Variants in OPCML observed in about 807,000 individuals in gnomAD.
The protein encoded by OPCML is opioid binding protein/cell adhesion molecule like.
In OPCML, 13 loss-of-function variants were observed where a neutral mutation model predicts 37.8. The ratio of observed to expected loss-of-function variants is 0.34; its 90% CI spans 0.22 to 0.55. The LOEUF (loss-of-function observed/expected upper bound fraction) is 0.55. Ranked by LOEUF, OPCML falls within the 20% of genes least tolerant of loss-of-function variation. OPCML has a pLI of 0.91. For missense variants in OPCML, 341 were observed against 435.6 expected, an observed-to-expected ratio of 0.78 and a Z score of 1.93; for synonymous variants, 176 against 168.8, an observed-to-expected ratio of 1.04 and a Z score of -0.33.
intron 1 of OPCML, among the ~76,000 whole-genome samples, chr11:133,263,872 C>T (rs1271333030): frequency 1.3e-5 from 2 of 152,212 alleles, no homozygotes; most frequent in East Asian, 1.9e-4. Flanking sequence ...ACTTTCCAAG[C>T]TAAACGTGGA....
intron 7 of OPCML, among the ~76,000 whole-genome samples, chr11:132,428,045 A>C (rs1310302026): frequency 2.0e-5 from 3 of 152,218 alleles, no homozygotes; most frequent in Non-Finnish European, 4.4e-5. Context: ...GGAAATGGAC[A>C]AATATGTGCA....
At chr11:133,144,280 C>A (rs1254008173) in intron 1 of OPCML, among the ~76,000 whole-genome samples, 1 of 152,262 alleles carries the variant, frequency 6.6e-6, no homozygotes, top group Non-Finnish European at 1.5e-5. Flanking sequence ...GCACTCCCTG[C>A]CACCTGCCTG....
chr11:133,147,701 C>G (rs998988920), intron 1 of OPCML, among the ~76,000 whole-genome samples: 2 of 152,154 alleles, frequency 1.3e-5, no homozygotes, highest in African/African-American at 4.8e-5. Context: ...CCACATCCCC[C>G]TTTAAATCAG....
intron 1 of OPCML, among the ~76,000 whole-genome samples, chr11:133,245,418 G>A (rs1017326979): frequency 2.0e-5 from 3 of 152,166 alleles, no homozygotes; most frequent in Non-Finnish European, 2.9e-5. Context: ...GGCAGTTCAA[G>A]GGGCCAGGTC....
chr11:133,243,254 G>T (rs1940796725), intron 1 of OPCML, among the ~76,000 whole-genome samples: 1 of 152,138 alleles, frequency 6.6e-6, no homozygotes, highest in African/African-American at 2.4e-5. Context: ...CAAAAAATAG[G>T]CCAAATGAAG....
At chr11:132,615,569 G>A (rs781701155) in intron 3 of OPCML, among the ~76,000 whole-genome samples, 1 of 152,100 alleles carries the variant, frequency 6.6e-6, no homozygotes, top group Non-Finnish European at 1.5e-5. Flanking sequence ...AACTATCTAT[G>A]TAGCATTTAC....
chr11:132,711,239 G>A (rs141075026), intron 2 of OPCML, among the ~76,000 whole-genome samples: 1,725 of 152,266 alleles, frequency 0.011, 37 homozygotes, highest in African/African-American at 0.04. Context: ...ATGGTTCTCC[G>A]CAAGCGAGGA....
intron 1 of OPCML, among the ~76,000 whole-genome samples, chr11:132,950,455 G>C (rs1208536647): frequency 1.3e-5 from 2 of 152,152 alleles, no homozygotes; most frequent in Non-Finnish European, 2.9e-5. Flanking sequence ...AGAAGGAATG[G>C]GTTTAAGGAG....
chr11:132,467,103 G>A (rs906878580), intron 4 of OPCML, among the ~76,000 whole-genome samples: 14 of 152,122 alleles, frequency 9.2e-5, no homozygotes, highest in Non-Finnish European at 1.0e-4. Context: ...CCTGAGATAC[G>A]GCACCCATTG....
intron 1 of OPCML, among the ~76,000 whole-genome samples, chr11:133,324,898 G>C (rs912608142): frequency 2.0e-5 from 3 of 151,948 alleles, no homozygotes; most frequent in Non-Finnish European, 2.9e-5. Context: ...ATAGTATATA[G>C]TATTATAGAT....
chr11:133,043,623 AG>A (rs1947949710), intron 1 of OPCML, among the ~76,000 whole-genome samples: 1 of 152,254 alleles, frequency 6.6e-6, no homozygotes, highest in African/African-American at 2.4e-5. Context: ...CCTGACAAAC[AG>A]AATCAGCCCT....
At chr11:132,575,196 T>C (rs2096447513) in intron 3 of OPCML, among the ~76,000 whole-genome samples, 1 of 152,042 alleles carries the variant, frequency 6.6e-6, no homozygotes, top group African/African-American at 2.4e-5. Flanking sequence ...TGTTTTTCTC[T>C]GTTCTTTTTA....
At chr11:133,252,880 G>T (rs1941182669) in intron 1 of OPCML, among the ~76,000 whole-genome samples, 1 of 152,186 alleles carries the variant, frequency 6.6e-6, no homozygotes, top group South Asian at 2.1e-4. Context: ...AGGTACGGTG[G>T]CTCATGCCTG....
chr11:132,513,570 A>G (rs934059924), intron 4 of OPCML, among the ~76,000 whole-genome samples: 1 of 152,200 alleles, frequency 6.6e-6, no homozygotes, highest in Non-Finnish European at 1.5e-5. Flanking sequence ...AATGAATTTT[A>G]TCCTTCTAAG....
At chr11:133,109,786 C>T (rs897095480) in intron 1 of OPCML, among the ~76,000 whole-genome samples, 5 of 152,138 alleles carry the variant, frequency 3.3e-5, no homozygotes, top group Admixed American at 2.0e-4. Flanking sequence ...CCTGGAAGAT[C>T]AGACCTAGAA....
At chr11:133,182,640 G>T (rs1414585231) in intron 1 of OPCML, among the ~76,000 whole-genome samples, 1 of 152,182 alleles carries the variant, frequency 6.6e-6, no homozygotes, top group Non-Finnish European at 1.5e-5. Context: ...GCCAACAGTG[G>T]CAATGTCACC....
intron 1 of OPCML, among the ~76,000 whole-genome samples, chr11:133,404,769 C>A (rs986300467): frequency 1.3e-5 from 2 of 152,120 alleles, no homozygotes; most frequent in African/African-American, 4.8e-5. Context: ...TTGCCAGATA[C>A]CAGAGGCAGT....
At chr11:133,307,078 C>T (rs1262327024) in intron 1 of OPCML, among the ~76,000 whole-genome samples, 1 of 152,172 alleles carries the variant, frequency 6.6e-6, no homozygotes, top group African/African-American at 2.4e-5. Flanking sequence ...CCTCTGCTCT[C>T]CTCTACCTCC....
intron 1 of OPCML, among the ~76,000 whole-genome samples, chr11:133,327,188 G>T (rs1317602482): frequency 6.6e-6 from 1 of 150,702 alleles, no homozygotes; most frequent in Non-Finnish European, 1.5e-5. Context: ...GGATGTGGGT[G>T]GGGTGTGTGT....
Sources: gnomAD v4.1 joint callset for allele counts (sites outside exome capture counted in the v4.1 genomes callset) on GRCh38, gnomAD v4.1.1 for gene constraint, MANE v1.5 for transcripts, NCBI Gene and HGNC (gene_info 2026-07-23, HGNC 2026-07-21) for gene names.